Variants in DDHD1 observed in about 807,000 individuals in gnomAD.
The protein encoded by DDHD1 is phospholipase DDHD1.
In DDHD1, 49 loss-of-function variants were observed where a neutral mutation model predicts 96.4. The observed-to-expected ratio is 0.51, with a 90% confidence interval of 0.40 to 0.64. The LOEUF (loss-of-function observed/expected upper bound fraction) is 0.64, where lower values mean the gene tolerates loss of function less well. DDHD1 is among the 30% of genes least tolerant of loss of function. DDHD1 has a pLI of 0.00. For missense variants in DDHD1, 1,106 were observed against 1,161.2 expected, an observed-to-expected ratio of 0.95 and a Z score of 0.69; for synonymous variants, 442 against 446.5, an observed-to-expected ratio of 0.99 and a Z score of 0.13.
At position 53,147,997 on chromosome 14, in the gene DDHD1, A is replaced by AT. The variant is rs371282449; in HGVS notation, c.838+4263dup. Among the ~76,000 whole-genome samples the AT allele has an allele frequency of 9.8e-5, 15 of 152,304 alleles. 1 individual carries two copies. In the South Asian group the frequency reaches 2.9e-3, roughly 29 times the overall value. ...TTATGTAATTAAGGGAAAAGCTCTA[A>AT]TTTTTTAATCTCATTTTATTGGTAA... is the stretch of plus-strand genomic sequence containing the variant. On this transcript the variant is annotated intron_variant, in intron 1 of 12. Coordinates refer to ENST00000673822, the MANE Select transcript of DDHD1 (RefSeq NM_001160148.2).
At position 53,072,674 on chromosome 14, in the gene DDHD1, CT is replaced by C; in HGVS notation, c.1425del (p.Val476TyrfsTer4). The C allele has an allele frequency of 1.2e-6, 2 of 1,610,004 alleles. No homozygotes were observed. The highest frequency in any genetic ancestry group is 1.7e-6 in the Non-Finnish European group (2 of 1,177,384). On this transcript the variant is annotated frameshift_variant, in exon 6 of 13. Transcript: ENST00000673822. LOFTEE classifies it high-confidence loss of function. ...TTCAGCATATCCCTTAAACCTCGTACTTTGTCAGGAGTAATGGAATCAACAG... is the reference window on the plus strand; with the variant it reads ...TTCAGCATATCCCTTAAACCTCGTACTTGTCAGGAGTAATGGAATCAACAG... ...GDTVDSITPD[K>X]VRGLRDMLNS...
chr14:53,082,463 T>TA (rs1297391323), intron 4 of DDHD1, among the ~76,000 whole-genome samples: 1 of 134,396 alleles, frequency 7.4e-6, no homozygotes, highest in African/African-American at 3.0e-5. Flanking sequence ...TTTTTTTTTT[T>TA]AAGAGATGAG....
chr14:53,073,936 A>G (rs1359757128), intron 4 of DDHD1, 89 bp from the exon 5 acceptor site: 9 of 1,162,392 alleles, frequency 7.7e-6, no homozygotes, highest in East Asian at 2.6e-5. Context: ...GTGTTTAATC[A>G]TAACACTTCC....
At chr14:53,148,276 T>C (rs148299417) in intron 1 of DDHD1, among the ~76,000 whole-genome samples, 2 of 152,152 alleles carry the variant, frequency 1.3e-5, no homozygotes, top group African/African-American at 4.8e-5. Flanking sequence ...AACTCCCTAG[T>C]GCAAACTGCA....
At chr14:53,050,668 C>A (rs1289433941) in intron 12 of DDHD1, among the ~76,000 whole-genome samples, 1 of 152,016 alleles carries the variant, frequency 6.6e-6, no homozygotes, top group Non-Finnish European at 1.5e-5. Flanking sequence ...TTCATCTTAT[C>A]TTTTCTAGTG....
chr14:53,132,466 A>C (rs1396055737), intron 1 of DDHD1, among the ~76,000 whole-genome samples: 1 of 152,172 alleles, frequency 6.6e-6, no homozygotes, highest in Non-Finnish European at 1.5e-5. Context: ...TCACTGGCAA[A>C]GGCAGGCTAT....
rs553631939 is a variant in DDHD1, at chr14:53,152,989, C to G, written c.110G>C (p.Gly37Ala). The G allele has an allele frequency of 1.8e-4, 272 of 1,553,614 alleles. 1 individual carries two copies. The South Asian group carries it at 3.0e-3, about 17-fold the overall frequency. The change falls in exon 1 of 13, where the codon GGC becomes GCC. Residue 37 changes from glycine (G) to alanine (A), a missense_variant. This residue lies in a region of DDHD1 where 456 missense variants were observed against 402.4 expected (regional missense o/e 1.13). Transcript: ENST00000673822. ...GSDARPAFGG[G>A]VCCFEHLPGG... is the part of the protein sequence containing the mutation. ...GGGCAGGTGCTCGAAGCAGCAGACG[C>G]CGCCGCCGAACGCTGGCCTCGCGTC... is the stretch of plus-strand genomic sequence containing the variant.
chr14:53,153,271 C>T lies in DDHD1; in HGVS notation c.-173G>A. ...CCGCCCCCACGAGACCCGCAGCCGC[C>T]GCAGCTGCGTTCTGCCGCCGGCCCC... is the stretch of plus-strand genomic sequence containing the variant. On this transcript the variant is annotated 5_prime_UTR_variant, in exon 1 of 13. Coordinates refer to ENST00000673822, the MANE Select transcript of DDHD1 (RefSeq NM_001160148.2). 2 of 477,130 alleles carry T rather than the reference C, an allele frequency of 4.2e-6. No homozygotes were observed. Among genetic ancestry groups the T allele is most frequent in the Non-Finnish European group, 6.9e-6 (2 of 291,656 alleles). The allele number at this position is 477,130 out of a possible 1,614,324, so 29.6% of individuals were successfully genotyped here. A position where few individuals can be genotyped will look rare whatever the true frequency, so the allele number is the denominator to read the frequency against.
chr14:53,052,787 C>A (rs770448332), intron 11 of DDHD1: 3 of 151,758 alleles, frequency 2.0e-5, no homozygotes, highest in Non-Finnish European at 4.4e-5. Flanking sequence ...ATAATTACCT[C>A]ATATTGAGTC....
intron 9 of DDHD1, among the ~76,000 whole-genome samples, 164 bp downstream of exon 9, chr14:53,058,310 TCAC>T (rs1391491648): frequency 6.6e-6 from 1 of 152,018 alleles, no homozygotes; most frequent in Non-Finnish European, 1.5e-5. Context: ...AGATGAGGTT[TCAC>T]CACATTGGTC....
At chr14:53,100,670 A>C (rs1428936448) in intron 2 of DDHD1, among the ~76,000 whole-genome samples, 1 of 152,194 alleles carries the variant, frequency 6.6e-6, no homozygotes, top group Non-Finnish European at 1.5e-5. Context: ...CAAACAGCCA[A>C]GGTCAGAAGA....
intron 1 of DDHD1, among the ~76,000 whole-genome samples, chr14:53,129,707 C>T (rs1889721913): frequency 6.6e-6 from 1 of 152,164 alleles, no homozygotes; most frequent in Admixed American, 6.6e-5. Flanking sequence ...CTCCATTCCT[C>T]CTTCTTCTCC....
At chr14:53,145,655 A>G (rs148558824) in intron 1 of DDHD1, among the ~76,000 whole-genome samples, 51 of 152,290 alleles carry the variant, frequency 3.3e-4, no homozygotes, top group African/African-American at 1.2e-3. Flanking sequence ...AGAGATTTCC[A>G]TTCATATAGT....
rs183172693 is a variant in DDHD1 at position 53,069,526 on chromosome 14, T to C, written c.1503+3071A>G. 1.9e-4 allele frequency among the ~76,000 whole-genome samples: 29 copies of C among 152,364 alleles called. No individual in the cohort carries two copies. In the East Asian group the frequency reaches 3.8e-3, roughly 20 times the overall value. On this transcript the variant is annotated intron_variant, in intron 6 of 12. Coordinates refer to ENST00000673822, the MANE Select transcript of DDHD1 (RefSeq NM_001160148.2). Reference sequence around the variant, plus strand: ...ATGCTGTTGCACACTTAACAGACTATAGTATAGTGTAACCATAATTTTATA... The same window carrying C: ...ATGCTGTTGCACACTTAACAGACTACAGTATAGTGTAACCATAATTTTATA...
At chr14:53,109,602 T>C (rs182931609) in intron 1 of DDHD1, among the ~76,000 whole-genome samples, 32 of 152,312 alleles carry the variant, frequency 2.1e-4, no homozygotes, top group African/African-American at 7.7e-4. Context: ...TGTGCATGTG[T>C]GTGTGGAGTC....
intron 1 of DDHD1, among the ~76,000 whole-genome samples, chr14:53,146,956 T>C (rs1891034397): frequency 6.6e-6 from 1 of 151,392 alleles, no homozygotes; most frequent in African/African-American, 2.4e-5. Flanking sequence ...TTTTTTTGTA[T>C]AACATGCACA....
At chr14:53,124,027 T>C (rs1005000492) in intron 1 of DDHD1, among the ~76,000 whole-genome samples, 1 of 150,360 alleles carries the variant, frequency 6.7e-6, no homozygotes, top group Non-Finnish European at 1.5e-5. Flanking sequence ...AGGTCAGGAG[T>C]TCGAGACCAG....
intron 10 of DDHD1, 126 bp from the exon 11 acceptor site, chr14:53,054,755 G>A (rs897641423): frequency 2.5e-6 from 2 of 787,428 alleles, no homozygotes; most frequent in Admixed American, 2.8e-5. Context: ...TCCAGGGTGG[G>A]AACATAAGAA....
At chr14:53,130,556 T>C (rs1338376647) in intron 1 of DDHD1, among the ~76,000 whole-genome samples, 2 of 152,276 alleles carry the variant, frequency 1.3e-5, no homozygotes, top group African/African-American at 4.8e-5. Context: ...TGCAATTACT[T>C]GCCTCCGCTG....
Sources: gnomAD v4.1 joint callset for allele counts (sites outside exome capture counted in the v4.1 genomes callset) on GRCh38, gnomAD v4.1.1 for gene constraint, gnomAD v4.1.1 regional missense constraint, MANE v1.5 for transcripts, NCBI Gene and HGNC (gene_info 2026-07-23, HGNC 2026-07-21) for gene names.